Variants in SCN11A observed in about 807,000 individuals in gnomAD.
The protein encoded by SCN11A is sodium voltage-gated channel alpha subunit 11.
In SCN11A, 122 loss-of-function variants were observed where a neutral mutation model predicts 162.2. That is an observed-to-expected ratio of 0.75 (90% confidence interval 0.65 to 0.87). The LOEUF (loss-of-function observed/expected upper bound fraction) is 0.87, where lower values mean the gene tolerates loss of function less well. Ranked by LOEUF, SCN11A falls within the 40% of genes least tolerant of loss-of-function variation. The probability of loss-of-function intolerance (pLI) is 0.00; values close to 1 mark genes in which losing one functional copy is unlikely to be tolerated. For synonymous variants in SCN11A, 758 were observed against 751.5 expected, an observed-to-expected ratio of 1.01 and a Z score of -0.14; for missense variants, 2,015 against 2,181.6, an observed-to-expected ratio of 0.92 and a Z score of 1.52.
At chr3:38,877,733 T>G (rs1338240989) in intron 23 of SCN11A, among the ~76,000 whole-genome samples, 2 of 123,374 alleles carry the variant, frequency 1.6e-5, no homozygotes, top group Non-Finnish European at 3.3e-5. Flanking sequence ...ATATATATGG[T>G]ATATATATGG....
At chr3:38,940,186 GA>G in intron 7 of SCN11A, among the ~76,000 whole-genome samples, 1 of 151,842 alleles carries the variant, frequency 6.6e-6, no homozygotes, top group East Asian at 1.9e-4. Flanking sequence ...AAGAATTGTG[GA>G]AGATCTGTAT....
At chr3:38,880,763 A>T (rs2065295524) in intron 22 of SCN11A, among the ~76,000 whole-genome samples, 2 of 152,196 alleles carry the variant, frequency 1.3e-5, no homozygotes, top group Non-Finnish European at 2.9e-5. Context: ...TGTTATTTGT[A>T]ATTATGAAAA....
Position 38,921,322 on chromosome 3 carries a change from A to G in SCN11A, c.713-67T>C, listed in dbSNP as rs2066049611. The G allele has an allele frequency of 2.0e-6, 3 of 1,469,352 alleles. 1 individual carries two copies. Among genetic ancestry groups the G allele is most frequent in the Middle Eastern group, 2.4e-4 (1 of 4,240 alleles). The allele number at this position is 1,469,352 out of a possible 1,614,324, so 91.0% of individuals were successfully genotyped here. A position where few individuals can be genotyped will look rare whatever the true frequency, so the allele number is the denominator to read the frequency against. ...AGCCAGACACTCACAAAGGCCAAGT[A>G]AGGAGCAACTGAAGTCTCGGAAACT... is the stretch of plus-strand genomic sequence containing the variant. On this transcript the variant is annotated intron_variant, in intron 9 of 29. Transcript: ENST00000302328.
chr3:38,938,512 A>ATATATATATT (rs2066375216), intron 7 of SCN11A, among the ~76,000 whole-genome samples: 1 of 10,348 alleles, frequency 9.7e-5, no homozygotes, highest in Non-Finnish European at 2.0e-4. Flanking sequence ...AAAATATCAT[A>ATATATATATT]TATATATATA....
chr3:38,872,390 C>T (rs547698387), intron 23 of SCN11A, 96 bp from the exon 24 acceptor site: 108 of 705,170 alleles, frequency 1.5e-4, no homozygotes, highest in South Asian at 1.3e-3. Context: ...AGTCCATAAA[C>T]GTGGGAACAA....
At chr3:38,935,698 A>T (rs1372226381) in intron 7 of SCN11A, among the ~76,000 whole-genome samples, 1 of 152,250 alleles carries the variant, frequency 6.6e-6, no homozygotes, top group South Asian at 2.1e-4. Context: ...CTCTCTGAAT[A>T]GACCAATAAC....
intron 2 of SCN11A, among the ~76,000 whole-genome samples, chr3:39,027,513 A>G (rs2031618361): frequency 6.6e-6 from 1 of 152,202 alleles, no homozygotes; most frequent in South Asian, 2.1e-4. Flanking sequence ...AGGTAAGAAA[A>G]GAAGGACCAG....
chr3:38,963,670 G>C (rs1198180663), intron 2 of SCN11A, among the ~76,000 whole-genome samples: 1 of 151,850 alleles, frequency 6.6e-6, no homozygotes, highest in Non-Finnish European at 1.5e-5. Flanking sequence ...GTGGGAGTAA[G>C]CTATGAGGAT....
intron 1 of SCN11A, among the ~76,000 whole-genome samples, chr3:39,042,925 C>T (rs2032084291): frequency 7.7e-6 from 1 of 130,338 alleles, no homozygotes; most frequent in Admixed American, 9.0e-5. Flanking sequence ...CCATTGCACT[C>T]TAGCCTGGGC....
At chr3:38,933,763 G>A (rs929739892) in intron 7 of SCN11A, among the ~76,000 whole-genome samples, 4 of 152,236 alleles carry the variant, frequency 2.6e-5, no homozygotes, top group African/African-American at 9.6e-5. Context: ...GTACCTGAAA[G>A]TGACAGGGAG....
intron 2 of SCN11A, among the ~76,000 whole-genome samples, chr3:39,016,808 G>A (rs898014613): frequency 6.6e-6 from 1 of 152,056 alleles, no homozygotes; most frequent in Non-Finnish European, 1.5e-5. Context: ...TCACCATGTT[G>A]GCCAGGCTGG....
intron 28 of SCN11A, among the ~76,000 whole-genome samples, chr3:38,852,533 G>A (rs1025721608): frequency 3.9e-5 from 6 of 152,250 alleles, no homozygotes; most frequent in South Asian, 2.1e-4. Flanking sequence ...ACTTCAGAAC[G>A]CAGTGTGACT....
chr3:38,903,530 C>T (rs1193348521), intron 16 of SCN11A, among the ~76,000 whole-genome samples: 1 of 152,182 alleles, frequency 6.6e-6, no homozygotes, highest in African/African-American at 2.4e-5. Flanking sequence ...ATCACTGGGA[C>T]CACAACAGCC....
intron 3 of SCN11A, among the ~76,000 whole-genome samples, chr3:38,957,839 C>T (rs574255736): frequency 1.1e-4 from 17 of 152,312 alleles, no homozygotes; most frequent in African/African-American, 4.1e-4. Flanking sequence ...AAAGCACCAG[C>T]CTTCCAGGGT....
At chr3:38,942,266 T>G (rs1292037190) in intron 7 of SCN11A, among the ~76,000 whole-genome samples, 1 of 152,108 alleles carries the variant, frequency 6.6e-6, no homozygotes, top group Non-Finnish European at 1.5e-5. Flanking sequence ...AGATAGAGAT[T>G]TCAAGCCTCT....
At chr3:38,902,140 T>C (rs2065711117) in intron 16 of SCN11A, among the ~76,000 whole-genome samples, 2 of 152,176 alleles carry the variant, frequency 1.3e-5, no homozygotes, top group African/African-American at 2.4e-5. Flanking sequence ...AGTAACTCCA[T>C]TCCACCAGGA....
chr3:38,898,831 T>C (rs2065648563), intron 17 of SCN11A, among the ~76,000 whole-genome samples: 1 of 152,112 alleles, frequency 6.6e-6, no homozygotes, highest in African/African-American at 2.4e-5. Flanking sequence ...AAAGGGGAGC[T>C]AGGAGCATCC....
At chr3:38,881,435 C>A (rs2065307156) in intron 22 of SCN11A, among the ~76,000 whole-genome samples, 1 of 152,120 alleles carries the variant, frequency 6.6e-6, no homozygotes, top group Admixed American at 6.5e-5. Context: ...GGAAGCTTAC[C>A]AGTAAGCTGG....
At chr3:38,949,748 C>T (rs892648955) in intron 5 of SCN11A, among the ~76,000 whole-genome samples, 2 of 152,156 alleles carry the variant, frequency 1.3e-5, no homozygotes, top group Non-Finnish European at 2.9e-5. Flanking sequence ...AAGTGACTTG[C>T]CCAGAGTCAT....
Sources: allele counts gnomAD v4.1 joint callset (sites outside exome capture counted in the v4.1 genomes callset), GRCh38; gene constraint gnomAD v4.1.1; transcripts MANE v1.5; gene names NCBI Gene and HGNC (gene_info 2026-07-23, HGNC 2026-07-21).